MTMR2: variants seen among roughly 807,000 people sequenced by gnomAD.
MTMR2 encodes phosphatidylinositol-3,5-bisphosphate 3-phosphatase MTMR2.
A neutral mutation model predicts 86.9 loss-of-function variants in MTMR2; 55 were observed. The ratio of observed to expected loss-of-function variants is 0.63; its 90% CI spans 0.51 to 0.79. The LOEUF (loss-of-function observed/expected upper bound fraction) is 0.79, where lower values mean the gene tolerates loss of function less well. MTMR2 is among the 30% of genes least tolerant of loss of function. MTMR2 has a pLI of 0.00. For missense variants in MTMR2, 659 were observed against 772.3 expected, an observed-to-expected ratio of 0.85 and a Z score of 1.74; for synonymous variants, 241 against 266.8, an observed-to-expected ratio of 0.90 and a Z score of 0.94.
At chr11:95,892,343 G>T (rs775996218) in intron 1 of MTMR2, among the ~76,000 whole-genome samples, 1 of 152,132 alleles carries the variant, frequency 6.6e-6, no homozygotes, top group African/African-American at 2.4e-5. Context: ...GTCTTGGAGT[G>T]TTCCAAGAAG....
rs183871853 is a variant in MTMR2 at position 95,866,618 on chromosome 11, C to T, written c.187-942G>A. 1.5e-4 allele frequency: 23 copies of T among 150,930 alleles called. No homozygotes were observed. The East Asian group carries it at 4.3e-3, about 28-fold the overall frequency. 9.3% of individuals were successfully genotyped at this position (150,930 alleles called of 1,614,324 possible). A position where few individuals can be genotyped will look rare whatever the true frequency, so the allele number is the denominator to read the frequency against. On this transcript the variant is annotated intron_variant, in intron 2 of 14. Coordinates refer to ENST00000346299, the MANE Select transcript of MTMR2 (RefSeq NM_016156.6). ...TAAAGAAATAGTATATACACACATA[C>T]ATATTTTTATGTGCCACATCTAAAC...
rs540537688 is a variant in MTMR2 at position 95,844,814 on chromosome 11, T to C, written c.1386+139A>G. On this transcript the variant is annotated intron_variant, in intron 11 of 14. Coordinates refer to ENST00000346299, the MANE Select transcript of MTMR2 (RefSeq NM_016156.6). ...TCATGTTAGGGATATCTTAATGCTT[T>C]CCAAAACAAGCAAAAACGTTTACCC... 3 of 806,434 alleles carry C rather than the reference T, an allele frequency of 3.7e-6. No homozygotes were observed. In the East Asian group the frequency reaches 8.1e-5, roughly 22 times the overall value. 50.0% of individuals were successfully genotyped at this position (806,434 alleles called of 1,614,324 possible). A position where few individuals can be genotyped will look rare whatever the true frequency, so the allele number is the denominator to read the frequency against.
At chr11:95,894,389 A>G (rs1225414248) in intron 1 of MTMR2, among the ~76,000 whole-genome samples, 1 of 152,174 alleles carries the variant, frequency 6.6e-6, no homozygotes, top group African/African-American at 2.4e-5. Flanking sequence ...AAAACACGTA[A>G]AACACTGAAA....
chr11:95,845,381 G>T (rs1024041662), intron 10 of MTMR2, among the ~76,000 whole-genome samples: 2 of 152,050 alleles, frequency 1.3e-5, no homozygotes, highest in African/African-American at 2.4e-5. Context: ...TTTGCCCAAC[G>T]AAATAGCCAA....
intron 7 of MTMR2, among the ~76,000 whole-genome samples, chr11:95,852,214 C>A (rs1864047981): frequency 6.6e-6 from 1 of 152,190 alleles, no homozygotes; most frequent in African/African-American, 2.4e-5. Context: ...TCATTAACTT[C>A]ATTTCATAGA....
In MTMR2 at chr11:95,862,041, C is replaced by A; in HGVS notation, c.419G>T (p.Gly140Val). ...GVINRVEKIG[G>V]ASSRGENSYG... ...AGAATTTTCACCTCGACTAGAAGCA[C>A]CACCAATTTTTTCTACTCTATTTAT... Residue 140 changes from glycine (G) to valine (V), a missense_variant, in exon 5 of 15, where the codon GGT becomes GTT. Coordinates refer to ENST00000346299, the MANE Select transcript of MTMR2 (RefSeq NM_016156.6). The A allele has an allele frequency of 6.2e-7, 1 of 1,613,882 alleles. No individual in the cohort carries two copies. Among genetic ancestry groups the A allele is most frequent in the Non-Finnish European group, 8.5e-7 (1 of 1,179,898 alleles).
At chr11:95,850,515 C>T (rs1028832208) in intron 8 of MTMR2, 85 bp downstream of exon 8, 7 of 1,346,174 alleles carry the variant, frequency 5.2e-6, no homozygotes, top group Non-Finnish European at 6.4e-6. Context: ...TATTTATATC[C>T]TGAATCCATT....
At chr11:95,857,772 T>G in intron 6 of MTMR2, 137 bp from the exon 7 acceptor site, 1 of 651,496 alleles carries the variant, frequency 1.5e-6, no homozygotes, top group African/African-American at 1.8e-5. Flanking sequence ...TTTTTTGTAT[T>G]ATAGTTTTTG....
In MTMR2 at chr11:95,838,105, T is replaced by C; in HGVS notation, c.1582A>G (p.Arg528Gly). The change falls in exon 13 of 15, where the codon AGA (arginine) becomes GGA (glycine). Residue 528 changes from arginine (R) to glycine (G), a missense_variant. By Grantham distance (125) the Arg-to-Gly change is moderately radical. This residue lies in a region of MTMR2 where 193 missense variants were observed against 191.6 expected (regional missense o/e 1.01). Coordinates refer to ENST00000346299, the MANE Select transcript of MTMR2 (RefSeq NM_016156.6). The stretch of plus-strand genomic sequence containing the variant: ...GTTTCATATTTTACCTCTTTTCCTC[T>C]CTGTTGTTCACTATTACAGAGGAAT... ...GTFLCNSEQQ[R>G]GKENLPKRTV... The C allele has an allele frequency of 6.3e-7, 1 of 1,595,918 alleles. No homozygotes were observed. The highest frequency in any genetic ancestry group is 8.6e-7 in the Non-Finnish European group (1 of 1,163,824).
intron 1 of MTMR2, among the ~76,000 whole-genome samples, chr11:95,915,909 T>C (rs1247037326): frequency 6.6e-6 from 1 of 152,146 alleles, no homozygotes; most frequent in Non-Finnish European, 1.5e-5. Flanking sequence ...AATGATCTTG[T>C]CAATATTAAA....
chr11:95,910,186 C>A (rs111386532), intron 1 of MTMR2, among the ~76,000 whole-genome samples: 1,569 of 151,556 alleles, frequency 0.01, 17 homozygotes, highest in African/African-American at 0.025. Flanking sequence ...AGAAGACAGA[C>A]CCAAAACTTC....
At chr11:95,847,589 A>C (rs112801242) in intron 10 of MTMR2, 125 bp downstream of exon 10, 3 of 872,314 alleles carry the variant, frequency 3.4e-6, no homozygotes, top group African/African-American at 1.7e-5. Flanking sequence ...CAAGTATCAA[A>C]GCATTTACCC....
chr11:95,880,601 G>T (rs1865289931), intron 2 of MTMR2, among the ~76,000 whole-genome samples: 1 of 152,044 alleles, frequency 6.6e-6, no homozygotes, highest in South Asian at 2.1e-4. Context: ...TATCAGACTT[G>T]TTAATTGTTT....
chr11:95,918,728 C>T (rs1866799920), intron 1 of MTMR2, among the ~76,000 whole-genome samples: 1 of 152,312 alleles, frequency 6.6e-6, no homozygotes, highest in East Asian at 1.9e-4. Context: ...TGCCAGCTGT[C>T]TCAGCAGACA....
chr11:95,901,861 C>T (rs1265011113), intron 1 of MTMR2, among the ~76,000 whole-genome samples: 3 of 151,974 alleles, frequency 2.0e-5, no homozygotes, highest in Non-Finnish European at 4.4e-5. Flanking sequence ...ACTACAGAGA[C>T]AGTAAGTATC....
At chr11:95,835,667 G>A (rs1863237845) in intron 14 of MTMR2, among the ~76,000 whole-genome samples, 1 of 152,022 alleles carries the variant, frequency 6.6e-6, no homozygotes, top group African/African-American at 2.4e-5. Context: ...ATAACCTGCT[G>A]TGTAGGTGCT....
At chr11:95,841,962 C>T (rs148034687) in intron 11 of MTMR2, among the ~76,000 whole-genome samples, 2 of 152,206 alleles carry the variant, frequency 1.3e-5, no homozygotes, top group African/African-American at 4.8e-5. Context: ...GGCATGGTGG[C>T]GTGCACCTGT....
intron 1 of MTMR2, among the ~76,000 whole-genome samples, chr11:95,899,806 A>G (rs1866006471): frequency 6.6e-6 from 1 of 152,170 alleles, no homozygotes; most frequent in Non-Finnish European, 1.5e-5. Context: ...TTAAATAAAT[A>G]GATCATTTGG....
intron 11 of MTMR2, among the ~76,000 whole-genome samples, 185 bp from the exon 12 acceptor site, chr11:95,841,894 G>A (rs547155206): frequency 1.3e-5 from 2 of 152,216 alleles, no homozygotes; most frequent in East Asian, 1.9e-4. Flanking sequence ...CCAGGAATTC[G>A]AGATGGGTCT....
Sources: gnomAD v4.1 joint callset for allele counts (sites outside exome capture counted in the v4.1 genomes callset) on GRCh38, gnomAD v4.1.1 for gene constraint, gnomAD v4.1.1 regional missense constraint, MANE v1.5 for transcripts, NCBI Gene and HGNC (gene_info 2026-07-23, HGNC 2026-07-21) for gene names.